Variants in NRXN2 observed in about 807,000 individuals in gnomAD.
NRXN2 encodes neurexin-2-beta.
A neutral mutation model predicts 128.8 loss-of-function variants in NRXN2; 29 were observed. The observed-to-expected ratio is 0.23, with a 90% CI of 0.17 to 0.31. The LOEUF (loss-of-function observed/expected upper bound fraction) is 0.31, where lower values mean the gene tolerates loss of function less well. NRXN2 is among the 10% of genes least tolerant of loss of function. The pLI, the probability that NRXN2 is intolerant of heterozygous loss-of-function variation, is 1.00. For synonymous variants in NRXN2, 1,098 were observed against 1,075.2 expected (o/e 1.02, Z -0.41); for missense variants, 1,881 against 2,452.6 (o/e 0.77, Z 4.92).
rs182348588 is a variant in NRXN2, at chr11:64,677,455, A to T, written c.1153-418T>A. Among the ~76,000 whole-genome samples, 234 of 152,216 alleles carry T rather than the reference A, an allele frequency of 1.5e-3. 5 individuals carry two copies. The highest frequency in any genetic ancestry group is 1.8e-4 in the Non-Finnish European group (12 of 68,024). On this transcript the variant is annotated intron_variant, in intron 6 of 22. Coordinates refer to ENST00000265459, the MANE Select transcript of NRXN2 (RefSeq NM_015080.4). ...AAAGAACTGGACCAAGAAACCAAAG[A>T]CTTAAAGATGGCTGACATTCCGCAG... is the stretch of plus-strand genomic sequence containing the variant.
At chr11:64,686,258 C>G (rs1434389288) in intron 5 of NRXN2, among the ~76,000 whole-genome samples, 1 of 152,188 alleles carries the variant, frequency 6.6e-6, no homozygotes, top group African/African-American at 2.4e-5. Context: ...TGCTCACTGT[C>G]TCCTCCCCAC....
At chr11:64,690,277 T>C in intron 5 of NRXN2, 128 bp downstream of exon 5, 1 of 822,330 alleles carries the variant, frequency 1.2e-6, no homozygotes, top group Non-Finnish European at 2.0e-6. Flanking sequence ...AGCAGACCCA[T>C]CACTTCCCAC....
At chr11:64,690,314 G>A (rs2053625860) in intron 5 of NRXN2, 91 bp downstream of exon 5, 7 of 1,148,696 alleles carry the variant, frequency 6.1e-6, no homozygotes, top group African/African-American at 1.5e-5. Context: ...AAGGGGATGT[G>A]CCTGCGTTGA....
Position 64,651,736 on chromosome 11 carries a change from G to A in NRXN2, c.2537-100C>T. On this transcript the variant is annotated intron_variant, in intron 13 of 22. Transcript: ENST00000265459. The surrounding 1 kb of genome is among the most constrained non-coding windows in gnomAD (Gnocchi z 5.9). The stretch of plus-strand genomic sequence containing the variant: ...CCCTCCACAGGAGGGCCACCCATGA[G>A]TGACATCTTTAGAGATGTCCTCGGC... 1.5e-6 allele frequency: 2 copies of A among 1,347,082 alleles called. No individual in the cohort carries two copies. The highest frequency in any genetic ancestry group is 1.4e-5 in the African/African-American group (1 of 69,646). 83.4% of individuals were successfully genotyped at this position (1,347,082 alleles called of 1,614,324 possible). A position where few individuals can be genotyped will look rare whatever the true frequency, so the allele number is the denominator to read the frequency against.
In NRXN2 at chr11:64,606,182, T is replaced by C. The variant is rs1374198629; in HGVS notation, c.*1014A>G. ...AAAACTGCACAGGACCGTTGGAATT[T>C]GGAAAGTTTTTGTTTTCTTTTTCCC... On this transcript the variant is annotated 3_prime_UTR_variant, in exon 23 of 23. Transcript: ENST00000265459. 3 of 152,432 alleles carry C rather than the reference T, an allele frequency of 2.0e-5. No individual in the cohort carries two copies. The East Asian group carries it at 5.8e-4, about 29-fold the overall frequency. The allele number at this position is 152,432 out of a possible 1,614,324, so 9.4% of individuals were successfully genotyped here. A position where few individuals can be genotyped will look rare whatever the true frequency, so the allele number is the denominator to read the frequency against.
At chr11:64,686,943 A>C (rs887764124) in intron 5 of NRXN2, among the ~76,000 whole-genome samples, 4 of 152,220 alleles carry the variant, frequency 2.6e-5, no homozygotes, top group African/African-American at 7.2e-5. Flanking sequence ...AGTACCAAGA[A>C]GTTGAGGTTT....
At chr11:64,643,104 G>C (rs894984972) in intron 17 of NRXN2, 11 of 986,400 alleles carry the variant, frequency 1.1e-5, no homozygotes, top group South Asian at 4.7e-5. Context: ...TCAGAAACCC[G>C]GGGGAGCGCC....
chr11:64,655,155 T>C (rs1175674016), intron 11 of NRXN2, among the ~76,000 whole-genome samples: 1 of 152,212 alleles, frequency 6.6e-6, no homozygotes, highest in East Asian at 1.9e-4. Flanking sequence ...GGTAAACTGA[T>C]GCCCCTGTGG....
rs750721899 is a variant in NRXN2, at chr11:64,660,966, C to T, written c.1972G>A (p.Val658Met). ...CGCCCATCTATGAAGAGGTCCCGCA[C>T]ACAGCCCACGTAGCCTGCCCGGAGT... ...AALRAGYVGC[V>M]RDLFIDGRSR... Residue 658 changes from valine (V) to methionine (M), a missense_variant, in exon 10 of 23, where the codon GTG (valine) becomes ATG (methionine). Val to Met is a conservative substitution (Grantham distance 21). This residue lies in a region of NRXN2 where 997 missense variants were observed against 1,240.8 expected (regional missense o/e 0.80). Transcript: ENST00000265459. The surrounding 1 kb of genome is among the most constrained non-coding windows in gnomAD (Gnocchi z 5.2). 2.5e-6 allele frequency: 4 copies of T among 1,613,826 alleles called. No individual in the cohort carries two copies. Among genetic ancestry groups the T allele is most frequent in the East Asian group, 4.5e-5 (2 of 44,894 alleles).
In NRXN2 at chr11:64,623,314, T is replaced by C; in HGVS notation, c.3848-236A>G. 1.6e-6 allele frequency: 1 copy of C among 641,288 alleles called. No homozygotes were observed. Among genetic ancestry groups the C allele is most frequent in the Admixed American group, 3.0e-5 (1 of 33,176 alleles). 39.7% of individuals were successfully genotyped at this position (641,288 alleles called of 1,614,324 possible). ...CCCCAGAAGGGGAGGGCACCCAGGG[T>C]ACACATGGGCTGGGGAAGGGGAGCC... On this transcript the variant is annotated intron_variant, in intron 20 of 22. Coordinates refer to ENST00000265459, the MANE Select transcript of NRXN2 (RefSeq NM_015080.4). This position sits in a 1 kb window ranked among gnomAD's most constrained non-coding sequence, Gnocchi z 4.9.
At chr11:64,615,712 C>T (rs2041363037) in intron 22 of NRXN2, among the ~76,000 whole-genome samples, 1 of 152,224 alleles carries the variant, frequency 6.6e-6, no homozygotes, top group Admixed American at 6.5e-5. Flanking sequence ...TGTGTCTGAA[C>T]ATGTGTGCAT....
At chr11:64,676,966 C>G (rs375741654) in intron 7 of NRXN2, 27 bp downstream of exon 7, 39 of 1,607,464 alleles carry the variant, frequency 2.4e-5, no homozygotes, top group East Asian at 1.1e-4. Flanking sequence ...GCAAACCAAA[C>G]GGTAAGACAA....
In NRXN2 at chr11:64,642,751, A is replaced by G. The variant is rs557563727; in HGVS notation, c.3403+5468T>C. 2.6e-5 allele frequency: 33 copies of G among 1,259,116 alleles called. No homozygotes were observed. The South Asian group carries it at 9.2e-4, about 35-fold the overall frequency. 78.0% of individuals were successfully genotyped at this position (1,259,116 alleles called of 1,614,324 possible). On this transcript the variant is annotated intron_variant, in intron 17 of 22. Coordinates refer to ENST00000265459, the MANE Select transcript of NRXN2 (RefSeq NM_015080.4). ...TGGAGGCGGCGGCAGGGGCCCAGCC[A>G]GGGCCGGGGGGCGGCGCGGGCACCC...
In NRXN2 at chr11:64,685,663, T is replaced by A. The variant is rs1401086875; in HGVS notation, c.1135A>T (p.Thr379Ser). 5 of 1,614,196 alleles carry A rather than the reference T, an allele frequency of 3.1e-6. No individual in the cohort carries two copies. In the East Asian group the frequency reaches 1.1e-4, roughly 36 times the overall value. Residue 379 changes from threonine (T) to serine (S), a missense_variant, in exon 6 of 23, where the codon ACC (threonine) becomes TCC (serine). By Grantham distance (58) the Thr-to-Ser change is moderately conservative (BLOSUM62 1). This residue lies in a region of NRXN2 where 997 missense variants were observed against 1,240.8 expected (regional missense o/e 0.80). Coordinates refer to ENST00000265459, the MANE Select transcript of NRXN2 (RefSeq NM_015080.4). ...NDNAWHDVRV[T>S]RNLRQHAGIG... ...CCTCCTACCTGGCGCAGGTTTCGGGTGACCCGGACGTCGTGCCAGGCGTTG... is the reference window on the plus strand; with the variant it reads ...CCTCCTACCTGGCGCAGGTTTCGGGAGACCCGGACGTCGTGCCAGGCGTTG...
intron 3 of NRXN2, among the ~76,000 whole-genome samples, chr11:64,696,528 T>TACACACACACACACACAC (rs58158687): frequency 2.9e-5 from 4 of 138,770 alleles, no homozygotes; most frequent in East Asian, 2.1e-4. Flanking sequence ...CATACATACA[T>TACACACACACACACACAC]ACACACACAC....
chr11:64,617,228 G>A (rs141402768), intron 22 of NRXN2, among the ~76,000 whole-genome samples: 1 of 152,050 alleles, frequency 6.6e-6, no homozygotes, highest in African/African-American at 2.4e-5. Flanking sequence ...GTATGTAAAT[G>A]TATGTATGTG....
rs990229591 is a variant in NRXN2 at position 64,648,773 on chromosome 11, C to A, written c.3244G>T (p.Ala1082Ser). The A allele has an allele frequency of 1.2e-6, 2 of 1,614,018 alleles. No homozygotes were observed. The highest frequency in any genetic ancestry group is 2.7e-5 in the African/African-American group (2 of 74,928). Reference sequence around the variant, plus strand: ...TCCACCTGCCCAATGCGGTGCAGGGCGTCGGCGATGAGGTCTGGGAGACGT... The same window carrying A: ...TCCACCTGCCCAATGCGGTGCAGGGAGTCGGCGATGAGGTCTGGGAGACGT... Reference protein sequence around the residue: ...NGRLPDLIADALHRIGQVERG... With the variant: ...NGRLPDLIADSLHRIGQVERG... The change falls in exon 16 of 23, where the codon GCC (alanine) becomes TCC (serine). Residue 1082 changes from alanine to serine, a missense_variant. Ala to Ser is a moderately conservative substitution (Grantham distance 99). Around this residue, in one of 7 missense-constraint regions of NRXN2, gnomAD observed 390 missense variants for 599.6 expected, o/e 0.65. Coordinates refer to ENST00000265459, the MANE Select transcript of NRXN2 (RefSeq NM_015080.4). This position sits in a 1 kb window ranked among gnomAD's most constrained non-coding sequence, Gnocchi z 4.1.
At chr11:64,657,067 G>A (rs1565322517) in intron 11 of NRXN2, among the ~76,000 whole-genome samples, 1 of 152,174 alleles carries the variant, frequency 6.6e-6, no homozygotes, top group Non-Finnish European at 1.5e-5. Flanking sequence ...CTGCCTCCTG[G>A]AGCAATAGCT....
At chr11:64,709,130 T>C (rs555804397) in intron 2 of NRXN2, among the ~76,000 whole-genome samples, 29 of 148,920 alleles carry the variant, frequency 1.9e-4, no homozygotes, top group Middle Eastern at 3.5e-3. Flanking sequence ...AGGTGGAGAT[T>C]GCAGTGAGCT....
Sources: gnomAD v4.1 joint callset for allele counts (sites outside exome capture counted in the v4.1 genomes callset) on GRCh38, gnomAD v4.1.1 for gene constraint, gnomAD v4.1.1 regional missense constraint, Gnocchi (gnomAD v3.1) non-coding constraint, MANE v1.5 for transcripts, NCBI Gene and HGNC (gene_info 2026-07-23, HGNC 2026-07-21) for gene names.